The following FGFR2 variants were observed in gnomAD, a reference collection of about 807,000 sequenced individuals.
FGFR2 encodes fibroblast growth factor receptor 2, also known as BEK fibroblast growth factor receptor.
FGFR2 carries 19 observed loss-of-function variants against 95.9 expected under a neutral mutation model. That is an observed-to-expected ratio of 0.20 (90% CI 0.14 to 0.29). The LOEUF (loss-of-function observed/expected upper bound fraction) is 0.29, where lower values mean the gene tolerates loss of function less well. FGFR2 is among the 10% of genes least tolerant of loss of function. The pLI, the probability that FGFR2 is intolerant of heterozygous loss-of-function variation, is 1.00. For synonymous variants in FGFR2, 392 were observed against 393.3 expected (o/e 1.00, Z 0.04); for missense variants, 707 against 1,056.9 (o/e 0.67, Z 4.59).
chr10:121,534,006 T>C (rs1852450034), intron 6 of FGFR2, among the ~76,000 whole-genome samples: 1 of 151,834 alleles, frequency 6.6e-6, no homozygotes, highest in African/African-American at 2.4e-5. Flanking sequence ...CAGGATGGCC[T>C]TGATGACAGC....
chr10:121,588,856 T>C (rs1320754285), intron 2 of FGFR2, among the ~76,000 whole-genome samples: 2 of 152,016 alleles, frequency 1.3e-5, no homozygotes, highest in African/African-American at 4.8e-5. Flanking sequence ...GACAATGCAG[T>C]GAGGGTACAA....
chr10:121,524,240 T>G (rs532037556), intron 6 of FGFR2, among the ~76,000 whole-genome samples: 3 of 151,994 alleles, frequency 2.0e-5, no homozygotes, highest in Non-Finnish European at 4.4e-5. Context: ...CTTTTCAAAT[T>G]TTCTCACCTT....
chr10:121,550,746 A>G (rs1189145877), intron 5 of FGFR2, among the ~76,000 whole-genome samples: 1 of 152,184 alleles, frequency 6.6e-6, no homozygotes, highest in Admixed American at 6.5e-5. Context: ...CCCTTCTGTT[A>G]TTAAACTCTC....
chr10:121,586,811 A>C (rs1259217101), intron 2 of FGFR2, among the ~76,000 whole-genome samples: 2 of 152,234 alleles, frequency 1.3e-5, no homozygotes, highest in Admixed American at 1.3e-4. Flanking sequence ...GAAACTTGTA[A>C]AAAGTGTGAC....
intron 9 of FGFR2, among the ~76,000 whole-genome samples, chr10:121,510,438 A>C (rs1589804960): frequency 6.6e-6 from 1 of 152,338 alleles, no homozygotes; most frequent in East Asian, 1.9e-4. Context: ...CAGTTAAGTC[A>C]TCCGTGACCA....
chr10:121,577,178 T>TATATATAGAGAGAGAGAGAG, intron 2 of FGFR2, among the ~76,000 whole-genome samples: 14 of 5,208 alleles, frequency 2.7e-3, no homozygotes, highest in Non-Finnish European at 3.7e-3. Flanking sequence ...TATATATATA[T>TATATATAGAGAGAGAGAGAG]AGAGAGAGAG....
At chr10:121,515,022 A>C in intron 9 of FGFR2, 95 bp downstream of exon 9, 2 of 1,194,360 alleles carry the variant, frequency 1.7e-6, no homozygotes, top group Non-Finnish European at 2.4e-6. Flanking sequence ...ATGGAAGCTC[A>C]CAGAAGTCGA....
chr10:121,538,517 A>C, intron 6 of FGFR2, 75 bp downstream of exon 6: 1 of 1,596,912 alleles, frequency 6.3e-7, no homozygotes, highest in Non-Finnish European at 8.6e-7. Context: ...AACAGGACTT[A>C]ACGTTCATGC....
At chr10:121,597,689 G>C (rs551184784) in intron 1 of FGFR2, among the ~76,000 whole-genome samples, 1 of 152,376 alleles carries the variant, frequency 6.6e-6, no homozygotes, top group East Asian at 1.9e-4. Context: ...CGCCCGCCAG[G>C]GTTTGACAGG....
chr10:121,573,941 C>G (rs758166816), intron 2 of FGFR2, among the ~76,000 whole-genome samples: 1 of 152,208 alleles, frequency 6.6e-6, no homozygotes, highest in Middle Eastern at 3.4e-3. Flanking sequence ...AAACACAGTC[C>G]GGCTGCAAAT....
At chr10:121,577,731 A>C (rs1590065675) in intron 2 of FGFR2, among the ~76,000 whole-genome samples, 1 of 149,772 alleles carries the variant, frequency 6.7e-6, no homozygotes, top group African/African-American at 2.5e-5. Flanking sequence ...GGCTTTTCCC[A>C]CCTCCTCCCC....
chr10:121,499,022 TA>T (rs1198109775), intron 11 of FGFR2, among the ~76,000 whole-genome samples: 1 of 152,198 alleles, frequency 6.6e-6, no homozygotes, highest in Admixed American at 6.5e-5. Flanking sequence ...CAAGCATTCT[TA>T]ACCCAGCCCC....
At chr10:121,573,103 G>A (rs1859103926) in intron 2 of FGFR2, among the ~76,000 whole-genome samples, 1 of 152,216 alleles carries the variant, frequency 6.6e-6, no homozygotes, top group Admixed American at 6.5e-5. Context: ...TGCCAAACCA[G>A]CGATAGCAGC....
intron 16 of FGFR2, among the ~76,000 whole-genome samples, chr10:121,484,755 A>T (rs1299873633): frequency 6.6e-6 from 1 of 152,240 alleles, no homozygotes; most frequent in African/African-American, 2.4e-5. Context: ...TTTTACAGGC[A>T]GATCTGGTAC....
In FGFR2 at chr10:121,538,573, C is replaced by G. The variant is rs372837794; in HGVS notation, c.748+19G>C. 1.2e-6 allele frequency: 2 copies of G among 1,614,186 alleles called. No individual in the cohort carries two copies. Among genetic ancestry groups the G allele is most frequent in the East Asian group, 2.2e-5 (1 of 44,874 alleles). ...AATGGGCTGGTATGCAGCCGCCACA[C>G]GAGGAGAGGCAAACTCACCCACAAC... On this transcript the variant is annotated intron_variant, in intron 6 of 17. Coordinates refer to ENST00000358487, the MANE Select transcript of FGFR2 (RefSeq NM_000141.5).
chr10:121,524,142 A>ACACACACACCCC (rs1554933562), intron 6 of FGFR2, among the ~76,000 whole-genome samples: 1 of 125,914 alleles, frequency 7.9e-6, no homozygotes, highest in African/African-American at 2.8e-5. Flanking sequence ...ACACACACAC[A>ACACACACACCCC]CACACCCCAA....
chr10:121,515,770 AG>A (rs1849636269), intron 8 of FGFR2, among the ~76,000 whole-genome samples: 2 of 151,370 alleles, frequency 1.3e-5, no homozygotes, highest in South Asian at 4.2e-4. Flanking sequence ...GCTCTTCCAA[AG>A]GAAGACTCCA....
chr10:121,577,791 G>A (rs966685739), intron 2 of FGFR2, among the ~76,000 whole-genome samples: 45 of 152,034 alleles, frequency 3.0e-4, no homozygotes, highest in African/African-American at 1.1e-3. Flanking sequence ...CCACCTGCCC[G>A]GGGGGAGGAA....
Position 121,485,654 on chromosome 10 carries a change from G to T in FGFR2, c.2058-122C>A. ...AGTTCAAAGACAAATGGGCCCTCCT[G>T]CAGTTCCTCCTATGTGCTCTTTCCT... On this transcript the variant is annotated intron_variant, in intron 15 of 17. Coordinates refer to ENST00000358487, the MANE Select transcript of FGFR2 (RefSeq NM_000141.5). The surrounding 1 kb of genome is among the most constrained non-coding windows in gnomAD (Gnocchi z 4.2). The T allele has an allele frequency of 1.6e-6, 2 of 1,288,310 alleles. No homozygotes were observed. The highest frequency in any genetic ancestry group is 2.2e-6 in the Non-Finnish European group (2 of 907,204). The allele number at this position is 1,288,310 out of a possible 1,614,324, so 79.8% of individuals were successfully genotyped here. A position where few individuals can be genotyped will look rare whatever the true frequency, so the allele number is the denominator to read the frequency against.
Sources: allele counts gnomAD v4.1 joint callset (sites outside exome capture counted in the v4.1 genomes callset), GRCh38; gene constraint gnomAD v4.1.1; non-coding constraint Gnocchi (gnomAD v3.1); transcripts MANE v1.5; gene names NCBI Gene and HGNC (gene_info 2026-07-23, HGNC 2026-07-21).